The following DPF2 variants were observed in gnomAD, a reference collection of about 807,000 sequenced individuals.
The protein encoded by DPF2 is double PHD fingers 2, also known as zinc finger protein ubi-d4.
In DPF2, 10 loss-of-function variants were observed where a neutral mutation model predicts 59.6. The ratio of observed to expected loss-of-function variants is 0.17; its 90% CI spans 0.10 to 0.28. The LOEUF is 0.28. Ranked by LOEUF, DPF2 falls within the 10% of genes least tolerant of loss-of-function variation. The probability of loss-of-function intolerance (pLI) is 1.00; values close to 1 mark genes in which losing one functional copy is unlikely to be tolerated. For missense variants in DPF2, 315 were observed against 509.4 expected, an observed-to-expected ratio of 0.62 and a Z score of 3.67; for synonymous variants, 189 against 190.6, an observed-to-expected ratio of 0.99 and a Z score of 0.07.
chr11:65,340,021 A>G (rs766431202), intron 1 of DPF2, among the ~76,000 whole-genome samples: 4 of 152,220 alleles, frequency 2.6e-5, no homozygotes, highest in Non-Finnish European at 5.9e-5. Context: ...AGGAGGGACT[A>G]TCATCTGCTT....
intron 2 of DPF2, 36 bp from the exon 3 acceptor site, chr11:65,340,930 G>A: frequency 2.5e-6 from 4 of 1,602,240 alleles, no homozygotes; most frequent in African/African-American, 1.3e-5. Flanking sequence ...CTAATACTGG[G>A]TTAGGGCCTG....
chr11:65,345,660 A>C lies in DPF2; in HGVS notation c.638-6A>C. 1 of 1,613,782 alleles carries C rather than the reference A, an allele frequency of 6.2e-7. No homozygotes were observed. Among genetic ancestry groups the C allele is most frequent in the African/African-American group, 1.3e-5 (1 of 74,934 alleles). ...CACCTTTCTCTGCAATCTTCTTCCC[A>C]CTCAGTTTGTGGAAAACGTTACAAG... On this transcript the variant is annotated splice_polypyrimidine_tract_variant and splice_region_variant and intron_variant, in intron 6 of 10. Coordinates refer to ENST00000528416, the MANE Select transcript of DPF2 (RefSeq NM_006268.5).
intron 9 of DPF2, chr11:65,348,458 A>G (rs1350603897): frequency 1.8e-5 from 3 of 169,192 alleles, no homozygotes; most frequent in South Asian, 1.5e-4. Flanking sequence ...GTGTGTGCCT[A>G]TAGTCCCAGC....
At position 65,345,902 on chromosome 11, in the gene DPF2, G is replaced by A. The variant is rs761135699; in HGVS notation, c.776-28G>A. 5 of 1,613,880 alleles carry A rather than the reference G, an allele frequency of 3.1e-6. No homozygotes were observed. The East Asian group carries it at 6.7e-5, about 22-fold the overall frequency. ...TTGAGTGGCTCAGGGACCCCCATGG[G>A]TGTCATCAAAACTCTTTCTCTCTGT... On this transcript the variant is annotated intron_variant, in intron 7 of 10. Transcript: ENST00000528416.
At chr11:65,334,893 G>A (rs762992208) in intron 1 of DPF2, among the ~76,000 whole-genome samples, 3 of 152,124 alleles carry the variant, frequency 2.0e-5, no homozygotes, top group Admixed American at 6.5e-5. Context: ...GGATGACGAG[G>A]TAAAGGTTCG....
chr11:65,344,974 C>T (rs182147424), intron 6 of DPF2: 2 of 321,032 alleles, frequency 6.2e-6, no homozygotes, highest in Non-Finnish European at 1.1e-5. Context: ...CTCCTGCCAT[C>T]CTCTCTCCCC....
At chr11:65,342,195 T>G (rs1423279959) in intron 4 of DPF2, among the ~76,000 whole-genome samples, 2 of 152,212 alleles carry the variant, frequency 1.3e-5, no homozygotes, top group African/African-American at 4.8e-5. Context: ...TTTTGCCACA[T>G]TTGCCTTATC....
chr11:65,353,206 C>G lies in DPF2; in HGVS notation c.*1447C>G, dbSNP rs1023814669. 3 of 151,928 alleles carry G rather than the reference C, an allele frequency of 2.0e-5. No individual in the cohort carries two copies. Among genetic ancestry groups the G allele is most frequent in the African/African-American group, 7.3e-5 (3 of 41,338 alleles). The allele number at this position is 151,928 out of a possible 1,614,324, so 9.4% of individuals were successfully genotyped here. On this transcript the variant is annotated 3_prime_UTR_variant, in exon 11 of 11. Coordinates refer to ENST00000528416, the MANE Select transcript of DPF2 (RefSeq NM_006268.5). ...TATAACAATTCTTTGTTATAAAGAA[C>G]AATGAAGCTGTTTTGATCAATACAA...
chr11:65,350,374 CTTTTTT>C (rs529951680), intron 10 of DPF2, among the ~76,000 whole-genome samples: 3 of 128,778 alleles, frequency 2.3e-5, no homozygotes, highest in African/African-American at 8.9e-5. Flanking sequence ...TTCTTTCTTT[CTTTTTT>C]TTTTTTTTTT....
At chr11:65,346,556 C>G (rs565173844) in intron 9 of DPF2, 197 bp downstream of exon 9, 119 of 542,870 alleles carry the variant, frequency 2.2e-4, no homozygotes, top group Middle Eastern at 4.4e-4. Flanking sequence ...ATGTCAGACA[C>G]TGTTCTAGTC....
intron 6 of DPF2, chr11:65,345,327 T>C (rs1854497003): frequency 7.6e-6 from 2 of 263,698 alleles, no homozygotes; most frequent in South Asian, 1.4e-4. Flanking sequence ...TATCCTTCCC[T>C]TTCCTGACCT....
chr11:65,347,107 T>A (rs56217546), intron 9 of DPF2: 1 of 144,388 alleles, frequency 6.9e-6, no homozygotes, highest in Non-Finnish European at 1.6e-5. Context: ...CTCTGCCTCC[T>A]GGGTTCAAGT....
Position 65,344,086 on chromosome 11 carries a change from TGGGTGG to T in DPF2, c.637+19_637+24del. ...CCTGTGACAGTGAGTGCCTCACAAG[TGGGTGG>T]GTAGACCTTGCCTTGGACCCAGCTC... is the stretch of plus-strand genomic sequence containing the variant. On this transcript the variant is annotated intron_variant, in intron 6 of 10. Transcript: ENST00000528416. 6.2e-7 allele frequency: 1 copy of T among 1,613,756 alleles called. No individual in the cohort carries two copies. Among genetic ancestry groups the T allele is most frequent in the East Asian group, 2.2e-5 (1 of 44,886 alleles).
At chr11:65,337,498 T>TAGAG (rs1565527628) in intron 1 of DPF2, among the ~76,000 whole-genome samples, 44 of 48,012 alleles carry the variant, frequency 9.2e-4, no homozygotes, top group Non-Finnish European at 1.3e-3. Context: ...TATATATATA[T>TAGAG]ATATATAGAG....
chr11:65,340,891 C>T (rs1854347656), intron 2 of DPF2, 75 bp from the exon 3 acceptor site: 16 of 1,434,100 alleles, frequency 1.1e-5, no homozygotes, highest in Non-Finnish European at 1.3e-5. Context: ...GGGGGGCCTA[C>T]TTAATTAGAA....
intron 6 of DPF2, chr11:65,345,323 T>G (rs946640978): frequency 1.9e-5 from 5 of 258,990 alleles, no homozygotes; most frequent in Non-Finnish European, 3.8e-5. Context: ...GGAATATCCT[T>G]CCCTTTCCTG....
At chr11:65,336,893 AG>A (rs1854170124) in intron 1 of DPF2, among the ~76,000 whole-genome samples, 1 of 151,600 alleles carries the variant, frequency 6.6e-6, no homozygotes, top group Non-Finnish European at 1.5e-5. Context: ...GTTTGAGACC[AG>A]CCTGGCCAAG....
At chr11:65,340,847 C>A (rs1384701740) in intron 2 of DPF2, 119 bp from the exon 3 acceptor site, 8 of 1,051,154 alleles carry the variant, frequency 7.6e-6, no homozygotes, top group African/African-American at 3.2e-5. Context: ...TAGGCCCTCA[C>A]TGTCAGAATT....
Position 65,346,239 on chromosome 11 carries a change from C to G in DPF2, c.905-8C>G, listed in dbSNP as rs1427896548. 5 of 1,613,656 alleles carry G rather than the reference C, an allele frequency of 3.1e-6. No individual in the cohort carries two copies. In the East Asian group the frequency reaches 8.9e-5, roughly 29 times the overall value. ...GACTGTCTGTCTCACTCACTTCCCCCACTACAGGGCATCCATCTTGCCTCC... is the reference window on the plus strand; with the variant it reads ...GACTGTCTGTCTCACTCACTTCCCCGACTACAGGGCATCCATCTTGCCTCC... On this transcript the variant is annotated splice_region_variant and splice_polypyrimidine_tract_variant and intron_variant, in intron 8 of 10. Coordinates refer to ENST00000528416, the MANE Select transcript of DPF2 (RefSeq NM_006268.5).
Sources: allele counts gnomAD v4.1 joint callset (sites outside exome capture counted in the v4.1 genomes callset), GRCh38; gene constraint gnomAD v4.1.1; transcripts MANE v1.5; gene names NCBI Gene and HGNC (gene_info 2026-07-23, HGNC 2026-07-21).